The following RNF145 variants were observed in gnomAD, a reference collection of about 807,000 sequenced individuals.
RNF145 encodes the protein ring finger protein 145.
RNF145 carries 12 observed loss-of-function variants against 57.3 expected under a neutral mutation model. The observed-to-expected ratio is 0.21, with a 90% CI of 0.13 to 0.34. The LOEUF (loss-of-function observed/expected upper bound fraction) is 0.34, where lower values mean the gene tolerates loss of function less well. Among genes scored for constraint, RNF145 ranks in the 10% least tolerant of loss-of-function variants. RNF145 has a pLI of 1.00. For synonymous variants in RNF145, 262 were observed against 288.3 expected (o/e 0.91, Z 0.92); for missense variants, 429 against 799.0 (o/e 0.54, Z 5.58).
At chr5:159,162,222 AT>A (rs1402592442) in intron 9 of RNF145, among the ~76,000 whole-genome samples, 2 of 152,188 alleles carry the variant, frequency 1.3e-5, no homozygotes, top group Non-Finnish European at 2.9e-5. Flanking sequence ...TCGTGGAACT[AT>A]TGGTATTTTT....
chr5:159,161,144 A>T (rs1050940730), intron 10 of RNF145, 122 bp downstream of exon 10: 2 of 624,196 alleles, frequency 3.2e-6, no homozygotes, highest in Non-Finnish European at 5.6e-6. Context: ...TCTGAGGTCC[A>T]TTTTTTTTAA....
intron 4 of RNF145, among the ~76,000 whole-genome samples, chr5:159,180,256 T>C (rs1028602642): frequency 4.6e-5 from 7 of 152,244 alleles, no homozygotes; most frequent in African/African-American, 1.4e-4. Flanking sequence ...TTCCTATCAC[T>C]GTGGCTCTCT....
intron 6 of RNF145, among the ~76,000 whole-genome samples, chr5:159,172,978 T>C (rs1385425191): frequency 2.6e-5 from 4 of 152,200 alleles, no homozygotes; most frequent in African/African-American, 4.8e-5. Flanking sequence ...TACTAGATTC[T>C]GAGAATGTGA....
intron 4 of RNF145, among the ~76,000 whole-genome samples, chr5:159,181,271 C>G (rs1048935861): frequency 4.6e-5 from 7 of 151,946 alleles, no homozygotes; most frequent in South Asian, 4.1e-4. Context: ...CCCAAATGGT[C>G]CCCCAGTGAA....
intron 6 of RNF145, among the ~76,000 whole-genome samples, chr5:159,170,459 G>T (rs1784512044): frequency 6.6e-6 from 1 of 152,054 alleles, no homozygotes; most frequent in Non-Finnish European, 1.5e-5. Flanking sequence ...TATTCATAAG[G>T]ATAACTGGAA....
At chr5:159,165,813 G>A (rs188560681) in intron 8 of RNF145, among the ~76,000 whole-genome samples, 5 of 151,006 alleles carry the variant, frequency 3.3e-5, no homozygotes, top group African/African-American at 9.7e-5. Flanking sequence ...TGATTTGTGG[G>A]TCACTATTTT....
chr5:159,166,995 T>TA (rs1319455376), intron 8 of RNF145, among the ~76,000 whole-genome samples: 2 of 151,994 alleles, frequency 1.3e-5, no homozygotes, highest in African/African-American at 4.8e-5. Context: ...AAAATAGGGA[T>TA]AACTGTTCTT....
chr5:159,209,498 C>CCGGTGTCGGCGGCGG lies in RNF145; in HGVS notation c.-308_-307insCCGCCGCCGACACCG. On this transcript the variant is annotated 5_prime_UTR_variant, in exon 1 of 11. Coordinates refer to ENST00000424310, the MANE Select transcript of RNF145 (RefSeq NM_001199383.2). ...GGGCCGAGCCCCTTAGCAGCCGGCG[C>CCGGTGTCGGCGGCGG]CGGCGTCGGCGGCCATGGCCTCCTG... is the stretch of plus-strand genomic sequence containing the variant. 1 of 339,944 alleles carries CCGGTGTCGGCGGCGG rather than the reference C, an allele frequency of 2.9e-6. No homozygotes were observed. Among genetic ancestry groups the CCGGTGTCGGCGGCGG allele is most frequent in the Non-Finnish European group, 3.2e-6 (1 of 313,074 alleles). The allele number at this position is 339,944 out of a possible 1,614,324, so 21.1% of individuals were successfully genotyped here.
At position 159,203,629 on chromosome 5, in the gene RNF145, T is replaced by C; in HGVS notation, c.-12A>G. 3 of 1,595,482 alleles carry C rather than the reference T, an allele frequency of 1.9e-6. No individual in the cohort carries two copies. In the Admixed American group the frequency reaches 5.4e-5, roughly 29 times the overall value. The stretch of plus-strand genomic sequence containing the variant: ...TCCTTTGCAGCCATGTTGTTTTTTT[T>C]TTTCTTTTTTTTTTTCTTGGAGAAG... On this transcript the variant is annotated 5_prime_UTR_variant, in exon 2 of 11. Coordinates refer to ENST00000424310, the MANE Select transcript of RNF145 (RefSeq NM_001199383.2).
At chr5:159,194,364 G>T (rs1333114534) in intron 3 of RNF145, among the ~76,000 whole-genome samples, 1 of 152,110 alleles carries the variant, frequency 6.6e-6, no homozygotes, top group East Asian at 1.9e-4. Flanking sequence ...TAGAGACGAG[G>T]TTTCACCATG....
chr5:159,207,558 C>A, intron 1 of RNF145: 1 of 1,589,772 alleles, frequency 6.3e-7, no homozygotes, highest in South Asian at 1.1e-5. Flanking sequence ...AGTAAATTTT[C>A]GGGCTGTCCA....
intron 3 of RNF145, among the ~76,000 whole-genome samples, chr5:159,182,950 T>C (rs1432328570): frequency 6.6e-6 from 1 of 152,210 alleles, no homozygotes; most frequent in Non-Finnish European, 1.5e-5. Flanking sequence ...TGGCTGTATT[T>C]ACTTTTTCCA....
In RNF145 at chr5:159,161,176, G is replaced by T; in HGVS notation, c.1626+90C>A. On this transcript the variant is annotated intron_variant, in intron 10 of 10. Coordinates refer to ENST00000424310, the MANE Select transcript of RNF145 (RefSeq NM_001199383.2). Reference sequence around the variant, plus strand: ...TTAATCCAGAAGATAATTTTGCCTAGAAATTTAAGTTGAATTTGGTTAATA... The same window carrying T: ...TTAATCCAGAAGATAATTTTGCCTATAAATTTAAGTTGAATTTGGTTAATA... 6 of 750,524 alleles carry T rather than the reference G, an allele frequency of 8.0e-6. No homozygotes were observed. In the East Asian group the frequency reaches 1.4e-4, roughly 17 times the overall value. 46.5% of individuals were successfully genotyped at this position (750,524 alleles called of 1,614,324 possible).
chr5:159,209,647 C>T (rs1187643926), upstream of RNF145: 2 of 1,004,776 alleles, frequency 2.0e-6, no homozygotes, highest in Non-Finnish European at 2.6e-6. Context: ...CACTCACAAT[C>T]GCGCCCGCGG....
intron 8 of RNF145, 26 bp from the exon 9 acceptor site, chr5:159,163,105 T>G: frequency 6.4e-7 from 1 of 1,574,016 alleles, no homozygotes; most frequent in Non-Finnish European, 8.6e-7. Context: ...ATTATTCTTT[T>G]TAAGTGCCTG....
intron 3 of RNF145, among the ~76,000 whole-genome samples, chr5:159,188,488 T>C (rs921710014): frequency 2.8e-4 from 42 of 152,168 alleles, no homozygotes; most frequent in African/African-American, 9.9e-4. Flanking sequence ...ACCACCACAC[T>C]CTCACAGGAA....
chr5:159,199,743 C>A (rs1288066801), intron 2 of RNF145, among the ~76,000 whole-genome samples: 1 of 152,148 alleles, frequency 6.6e-6, no homozygotes. Context: ...GAATTAAGCA[C>A]CATATCTACT....
chr5:159,187,619 T>G (rs1467047636), intron 3 of RNF145, among the ~76,000 whole-genome samples: 3 of 152,070 alleles, frequency 2.0e-5, no homozygotes, highest in Admixed American at 6.6e-5. Context: ...GTGCCACCAC[T>G]CCCGGCCTAT....
chr5:159,169,580 C>A, intron 7 of RNF145, 99 bp downstream of exon 7: 1 of 1,024,922 alleles, frequency 9.8e-7, no homozygotes, highest in Non-Finnish European at 1.4e-6. Flanking sequence ...TCTCCAATTC[C>A]ATTTCTTCTA....
Sources: gnomAD v4.1 joint callset for allele counts (sites outside exome capture counted in the v4.1 genomes callset) on GRCh38, gnomAD v4.1.1 for gene constraint, MANE v1.5 for transcripts, NCBI Gene and HGNC (gene_info 2026-07-23, HGNC 2026-07-21) for gene names.